GRM5: variants seen among roughly 807,000 people sequenced by gnomAD.
The protein encoded by GRM5 is metabotropic glutamate receptor 5.
In GRM5, 19 loss-of-function variants were observed where a neutral mutation model predicts 83.1. That is an observed-to-expected ratio of 0.23 (90% CI 0.16 to 0.34). The LOEUF is 0.34. GRM5 is among the 10% of genes least tolerant of loss of function. The pLI, the probability that GRM5 is intolerant of heterozygous loss-of-function variation, is 1.00. For synonymous variants in GRM5, 675 were observed against 633.6 expected, an observed-to-expected ratio of 1.07 and a Z score of -0.98; for missense variants, 1,160 against 1,588.3, an observed-to-expected ratio of 0.73 and a Z score of 4.58.
rs1437982404 is a variant in GRM5, at chr11:89,035,596, T to G, written c.661+11616A>C. Among the ~76,000 whole-genome samples the G allele has an allele frequency of 1.1e-4, 16 of 152,098 alleles. No homozygotes were observed. In the East Asian group the frequency reaches 3.1e-3, roughly 29 times the overall value. ...GAAATATCTTTTCATTCTATTTTTA[T>G]TCTATCTACTTTTCATTGCAGCTAT... On this transcript the variant is annotated intron_variant, in intron 2 of 9. Transcript: ENST00000305447.
chr11:88,980,678 T>A (rs7938184), intron 2 of GRM5, among the ~76,000 whole-genome samples: 2 of 151,496 alleles, frequency 1.3e-5, no homozygotes, highest in African/African-American at 4.9e-5. Flanking sequence ...AAAAAGTTAG[T>A]CGGGCGTGGT....
intron 2 of GRM5, among the ~76,000 whole-genome samples, chr11:88,972,185 C>T (rs1157511499): frequency 1.3e-5 from 2 of 152,066 alleles, no homozygotes; most frequent in African/African-American, 4.8e-5. Flanking sequence ...TAATATAAAC[C>T]TCTCCCCAAC....
intron 8 of GRM5, among the ~76,000 whole-genome samples, chr11:88,564,553 C>A (rs540944062): frequency 6.6e-6 from 1 of 152,340 alleles, no homozygotes; most frequent in South Asian, 2.1e-4. Flanking sequence ...ATACAGGGCA[C>A]TGTTGCCTTA....
intron 8 of GRM5, among the ~76,000 whole-genome samples, chr11:88,534,375 G>A (rs970247610): frequency 6.6e-6 from 1 of 152,228 alleles, no homozygotes; most frequent in Non-Finnish European, 1.5e-5. Context: ...CTAAGACCAT[G>A]GGAGGTCACC....
intron 2 of GRM5, among the ~76,000 whole-genome samples, chr11:88,979,706 T>C (rs1939462560): frequency 6.6e-6 from 1 of 152,184 alleles, no homozygotes; most frequent in African/African-American, 2.4e-5. Context: ...GGTCTGATGC[T>C]TCTGTGAATT....
At chr11:88,901,985 G>A (rs185643230) in intron 2 of GRM5, among the ~76,000 whole-genome samples, 1 of 152,022 alleles carries the variant, frequency 6.6e-6, no homozygotes, top group East Asian at 1.9e-4. Context: ...ATTTCAGGGC[G>A]TGGTTGCCAT....
rs535817036 is a variant in GRM5 at position 88,695,761 on chromosome 11, C to T, written c.912-42358G>A. The stretch of plus-strand genomic sequence containing the variant: ...TAGTTCCCTTATCCCTCTCACAGGG[C>T]GTGAGACAGGGTGTGGCTCGCTTCT... On this transcript the variant is annotated intron_variant, in intron 3 of 9. Coordinates refer to ENST00000305447, the MANE Select transcript of GRM5 (RefSeq NM_001143831.3). Among the ~76,000 whole-genome samples the T allele has an allele frequency of 7.2e-5, 11 of 152,220 alleles. No homozygotes were observed. In the East Asian group the frequency reaches 1.5e-3, roughly 21 times the overall value.
chr11:88,820,795 G>T (rs1388258322), intron 3 of GRM5, among the ~76,000 whole-genome samples: 1 of 152,172 alleles, frequency 6.6e-6, no homozygotes, highest in Non-Finnish European at 1.5e-5. Context: ...TTCTAAGTGT[G>T]TCCTTTGGAG....
chr11:89,044,617 T>C (rs2135146713), intron 2 of GRM5, among the ~76,000 whole-genome samples: 1 of 152,276 alleles, frequency 6.6e-6, no homozygotes, highest in African/African-American at 2.4e-5. Flanking sequence ...CAGACCTTAA[T>C]GGTTCATGTG....
At chr11:88,664,248 T>C (rs1371031200) in intron 3 of GRM5, among the ~76,000 whole-genome samples, 1 of 152,118 alleles carries the variant, frequency 6.6e-6, no homozygotes, top group African/African-American at 2.4e-5. Flanking sequence ...GCCTATATTC[T>C]GCTAAATATT....
At chr11:88,717,702 A>T (rs1170937042) in intron 3 of GRM5, among the ~76,000 whole-genome samples, 1 of 151,822 alleles carries the variant, frequency 6.6e-6, no homozygotes, top group Non-Finnish European at 1.5e-5. Flanking sequence ...ATAGCACAAG[A>T]GTAAGGGTGT....
Position 88,571,515 on chromosome 11 carries a change from C to CA in GRM5, c.1691-3524dup, listed in dbSNP as rs1173171874. Among the ~76,000 whole-genome samples, 14 of 151,972 alleles carry CA rather than the reference C, an allele frequency of 9.2e-5. No homozygotes were observed. In the East Asian group the frequency reaches 1.4e-3, roughly 15 times the overall value. On this transcript the variant is annotated intron_variant, in intron 7 of 9. Coordinates refer to ENST00000305447, the MANE Select transcript of GRM5 (RefSeq NM_001143831.3). ...TAATTGAATAAGATCTTAGAGTTTC[C>CA]AAAAAATGGATGCGTATCACAATCA...
At chr11:88,861,468 G>T (rs1021682822) in intron 2 of GRM5, among the ~76,000 whole-genome samples, 4 of 151,628 alleles carry the variant, frequency 2.6e-5, no homozygotes, top group Non-Finnish European at 5.9e-5. Context: ...TATTGTTGTT[G>T]TTGTTGCTTT....
At chr11:88,613,706 G>C (rs1938391057) in intron 4 of GRM5, among the ~76,000 whole-genome samples, 1 of 152,104 alleles carries the variant, frequency 6.6e-6, no homozygotes, top group South Asian at 2.1e-4. Context: ...TGATATGTGA[G>C]AATTTGATCC....
chr11:88,861,962 T>C (rs1272680336), intron 2 of GRM5, among the ~76,000 whole-genome samples: 1 of 152,172 alleles, frequency 6.6e-6, no homozygotes, highest in Non-Finnish European at 1.5e-5. Context: ...GCAACCTAAG[T>C]ATTTGTTGAA....
chr11:88,814,034 C>T (rs575212439), intron 3 of GRM5, among the ~76,000 whole-genome samples: 1 of 151,998 alleles, frequency 6.6e-6, no homozygotes, highest in East Asian at 1.9e-4. Context: ...TAAATGATTC[C>T]AAAATTAATA....
chr11:88,786,584 G>A (rs1210973350), intron 3 of GRM5, among the ~76,000 whole-genome samples: 1 of 151,992 alleles, frequency 6.6e-6, no homozygotes, highest in Admixed American at 6.6e-5. Flanking sequence ...TGTTCTTGCT[G>A]TGCCCTCAAC....
At chr11:88,744,393 C>T (rs1482430088) in intron 3 of GRM5, among the ~76,000 whole-genome samples, 1 of 152,160 alleles carries the variant, frequency 6.6e-6, no homozygotes, top group Non-Finnish European at 1.5e-5. Flanking sequence ...ATTCAGCAGT[C>T]ATTGCATAAT....
intron 3 of GRM5, among the ~76,000 whole-genome samples, chr11:88,735,731 T>C (rs1941898328): frequency 6.6e-6 from 1 of 152,070 alleles, no homozygotes; most frequent in Non-Finnish European, 1.5e-5. Context: ...CATCCTTTCA[T>C]TTTAATCTCA....
Sources: allele counts gnomAD v4.1 joint callset (sites outside exome capture counted in the v4.1 genomes callset), GRCh38; gene constraint gnomAD v4.1.1; transcripts MANE v1.5; gene names NCBI Gene and HGNC (gene_info 2026-07-23, HGNC 2026-07-21).